NMUR2: variants seen among roughly 807,000 people sequenced by gnomAD.
The protein encoded by NMUR2 is neuromedin U receptor 2, also known as neuromedin-U receptor 2.
A neutral mutation model predicts 25.1 loss-of-function variants in NMUR2; 24 were observed. The observed-to-expected ratio is 0.96, with a 90% CI of 0.69 to 1.34. The LOEUF is 1.34. Ranked by LOEUF, NMUR2 falls within the 40% of genes most tolerant of loss-of-function variation. The probability of loss-of-function intolerance (pLI) is 0.00; values close to 1 mark genes in which losing one functional copy is unlikely to be tolerated. For missense variants in NMUR2, 533 were observed against 512.8 expected, an observed-to-expected ratio of 1.04 and a Z score of -0.38; for synonymous variants, 218 against 208.1, an observed-to-expected ratio of 1.05 and a Z score of -0.41.
At chr5:152,402,842 AG>A (rs1167518817) in intron 1 of NMUR2, among the ~76,000 whole-genome samples, 1 of 152,168 alleles carries the variant, frequency 6.6e-6, no homozygotes, top group African/African-American at 2.4e-5. Flanking sequence ...GCCCTCCAGG[AG>A]GGGACTGGCA....
Position 152,405,038 on chromosome 5 carries a change from G to C in NMUR2, c.76C>G (p.Leu26Val), listed in dbSNP as rs1250661289. Residue 26 changes from leucine (L) to valine (V), a missense_variant, in exon 1 of 4, where the codon CTG (leucine) becomes GTG (valine). By Grantham distance (32) the Leu-to-Val change is conservative. Transcript: ENST00000255262. ...GCCAGATACTCCTCGGTGCTGTTCA[G>C]GTGTTTCTGGAATGGATCTTCTAGT... ...QKLEDPFQKH[L>V]NSTEEYLAFL... 5 of 1,614,024 alleles carry C rather than the reference G, an allele frequency of 3.1e-6. No homozygotes were observed. In the East Asian group the frequency reaches 6.7e-5, roughly 22 times the overall value.
intron 3 of NMUR2, among the ~76,000 whole-genome samples, chr5:152,394,491 G>A (rs367745022): frequency 6.6e-6 from 1 of 152,192 alleles, no homozygotes; most frequent in African/African-American, 2.4e-5. Flanking sequence ...CCGGTGACCA[G>A]GAGAGGTGGG....
At chr5:152,392,582 AAGGCCT>A in intron 3 of NMUR2, 81 bp from the exon 4 acceptor site, 1 of 1,103,028 alleles carries the variant, frequency 9.1e-7, no homozygotes, top group South Asian at 1.5e-5. Flanking sequence ...AATATTTACA[AAGGCCT>A]AGAATCCCTG....
rs750716485 is a variant in NMUR2, at chr5:152,404,850, C to A, written c.264G>T (p.Ala88=). 6.2e-7 allele frequency: 1 copy of A among 1,614,016 alleles called. No homozygotes were observed. Among genetic ancestry groups the A allele is most frequent in the Non-Finnish European group, 8.5e-7 (1 of 1,180,004 alleles). ...TPTNYYLFSL[A]VSDLLVLLLG... Reference sequence around the variant, plus strand: ...GGAGCAGGACCAGGAGGTCAGAGACCGCCAGGCTGAAGAGGTAGTAGTTGG... The same window carrying A: ...GGAGCAGGACCAGGAGGTCAGAGACAGCCAGGCTGAAGAGGTAGTAGTTGG... The change falls in exon 1 of 4, where the codon GCG becomes GCT. Residue 88 remains alanine, a synonymous_variant. Coordinates refer to ENST00000255262, the MANE Select transcript of NMUR2 (RefSeq NM_020167.5).
At chr5:152,401,128 C>T (rs1032525478) in intron 1 of NMUR2, among the ~76,000 whole-genome samples, 1 of 152,114 alleles carries the variant, frequency 6.6e-6, no homozygotes, top group Admixed American at 6.6e-5. Flanking sequence ...GCTGCTTTAT[C>T]GTTGAATAAT....
intron 1 of NMUR2, among the ~76,000 whole-genome samples, chr5:152,402,760 G>A (rs1753279776): frequency 6.6e-6 from 1 of 152,210 alleles, no homozygotes. Context: ...GCAGTGAGAT[G>A]TGCAGGACGT....
Position 152,392,102 on chromosome 5 carries a change from C to G in NMUR2, c.*89G>C. 8.9e-7 allele frequency: 1 copy of G among 1,125,192 alleles called. No homozygotes were observed. The highest frequency in any genetic ancestry group is 1.3e-6 in the Non-Finnish European group (1 of 778,730). 69.7% of individuals were successfully genotyped at this position (1,125,192 alleles called of 1,614,324 possible). ...TACATGAGTTGTAAGAGCCATTCTA[C>G]CTCTCTAATATCATATGAGAAGGCA... is the stretch of plus-strand genomic sequence containing the variant. On this transcript the variant is annotated 3_prime_UTR_variant, in exon 4 of 4. Transcript: ENST00000255262.
intron 3 of NMUR2, among the ~76,000 whole-genome samples, chr5:152,394,345 T>C (rs1280880550): frequency 6.6e-6 from 1 of 152,110 alleles, no homozygotes; most frequent in East Asian, 1.9e-4. Flanking sequence ...TGACAGAAAA[T>C]ACATAGTATA....
chr5:152,395,413 T>C, intron 3 of NMUR2, 46 bp downstream of exon 3: 1 of 1,610,730 alleles, frequency 6.2e-7, no homozygotes, highest in Middle Eastern at 1.7e-4. Context: ...AAGAAGGTGC[T>C]GTTACCTGAA....
At chr5:152,400,931 AG>A (rs991864580) in intron 1 of NMUR2, among the ~76,000 whole-genome samples, 1 of 152,250 alleles carries the variant, frequency 6.6e-6, no homozygotes, top group African/African-American at 2.4e-5. Context: ...TACACTAAAA[AG>A]AAAATCATGT....
rs545851686 is a variant in NMUR2 at position 152,395,363 on chromosome 5, G to A, written c.937+96C>T. On this transcript the variant is annotated intron_variant, in intron 3 of 3. Coordinates refer to ENST00000255262, the MANE Select transcript of NMUR2 (RefSeq NM_020167.5). ...CTTCATTATAGCATGGCAGATCCCC[G>A]TGATAAATTGGAGTACTTAGGCATC... 89 of 1,361,842 alleles carry A rather than the reference G, an allele frequency of 6.5e-5. No homozygotes were observed. The African/African-American group carries it at 6.6e-4, about 10-fold the overall frequency. The allele number at this position is 1,361,842 out of a possible 1,614,324, so 84.4% of individuals were successfully genotyped here.
Position 152,404,791 on chromosome 5 carries a change from C to A in NMUR2, c.323G>T (p.Arg108Leu). The A allele has an allele frequency of 1.2e-6, 2 of 1,614,034 alleles. No homozygotes were observed. Among genetic ancestry groups the A allele is most frequent in the South Asian group, 1.1e-5 (1 of 91,072 alleles). Reference protein sequence around the residue: ...GMPLEVYEMWRNYPFLFGPVG... With the variant: ...GMPLEVYEMWLNYPFLFGPVG... ...GGGCCCGAACAAGAAAGGGTAGTTG[C>A]GCCACATCTCATAGACCTCCAGGGG... The change falls in exon 1 of 4, where the codon CGC (arginine) becomes CTC (leucine). Residue 108 changes from arginine to leucine, a missense_variant. By Grantham distance (102) the Arg-to-Leu change is moderately radical. Transcript: ENST00000255262.
At position 152,392,458 on chromosome 5, in the gene NMUR2, A is replaced by G; in HGVS notation, c.981T>C (p.Tyr327=). The G allele has an allele frequency of 6.2e-7, 1 of 1,613,988 alleles. No homozygotes were observed. The highest frequency in any genetic ancestry group is 8.5e-7 in the Non-Finnish European group (1 of 1,179,898). The part of the protein sequence containing the change: ...YLSSAVNPII[Y]NLLSRRFQAA... Reference sequence around the variant, plus strand: ...CCTGGAAGCGGCGAGACAGTAGGTTATAGATAATGGGGTTGACAGCTGAGC... The same window carrying G: ...CCTGGAAGCGGCGAGACAGTAGGTTGTAGATAATGGGGTTGACAGCTGAGC... The change falls in exon 4 of 4, where the codon TAT becomes TAC. Residue 327 remains tyrosine, a synonymous_variant. Transcript: ENST00000255262.
Position 152,404,973 on chromosome 5 carries a change from G to T in NMUR2, c.141C>A (p.Pro47=). The T allele has an allele frequency of 1.2e-6, 2 of 1,613,964 alleles. No individual in the cohort carries two copies. Among genetic ancestry groups the T allele is most frequent in the Non-Finnish European group, 8.5e-7 (1 of 1,179,982 alleles). The change falls in exon 1 of 4, where the codon CCC becomes CCA. Residue 47 remains proline (P), a synonymous_variant. Coordinates refer to ENST00000255262, the MANE Select transcript of NMUR2 (RefSeq NM_020167.5). The stretch of plus-strand genomic sequence containing the variant: ...AAATTGGCACATACACCACAGACAC[G>T]GGGAGGAAGAAGTGGCTGCGCCGAG... ...CGPRRSHFFL[P]VSVVYVPIFV...
At chr5:152,395,744 A>T (rs945550989) in intron 2 of NMUR2, among the ~76,000 whole-genome samples, 160 bp from the exon 3 acceptor site, 2 of 150,750 alleles carry the variant, frequency 1.3e-5, no homozygotes, top group African/African-American at 2.4e-5. Flanking sequence ...GAGTCTCAGT[A>T]CAAAACACTT....
chr5:152,395,625 T>C, intron 2 of NMUR2, 41 bp from the exon 3 acceptor site: 1 of 1,607,740 alleles, frequency 6.2e-7, no homozygotes, highest in Non-Finnish European at 8.5e-7. Flanking sequence ...AGACAGTCTG[T>C]GCAAGGATAG....
At chr5:152,392,585 G>A (rs1004929297) in intron 3 of NMUR2, 84 bp from the exon 4 acceptor site, 123 of 1,074,336 alleles carry the variant, frequency 1.1e-4, no homozygotes, top group Non-Finnish European at 1.5e-4. Flanking sequence ...ATTTACAAAG[G>A]CCTAGAATCC....
At position 152,398,042 on chromosome 5, in the gene NMUR2, A is replaced by G; in HGVS notation, c.811+18T>C. Reference sequence around the variant, plus strand: ...TCTTATGAACAAAACAAAACAAAAAACAAAATGGGGCACTTACACAGCATC... The same window carrying G: ...TCTTATGAACAAAACAAAACAAAAAGCAAAATGGGGCACTTACACAGCATC... On this transcript the variant is annotated intron_variant, in intron 2 of 3. Coordinates refer to ENST00000255262, the MANE Select transcript of NMUR2 (RefSeq NM_020167.5). 6.3e-7 allele frequency: 1 copy of G among 1,599,762 alleles called. No individual in the cohort carries two copies. Among genetic ancestry groups the G allele is most frequent in the South Asian group, 1.1e-5 (1 of 90,170 alleles).
At chr5:152,398,534 C>T in intron 1 of NMUR2, among the ~76,000 whole-genome samples, 1 of 152,098 alleles carries the variant, frequency 6.6e-6, no homozygotes, top group Non-Finnish European at 1.5e-5. Flanking sequence ...TCCTTCTGCT[C>T]TGTGGTGGAT....
Sources: gnomAD v4.1 joint callset for allele counts (sites outside exome capture counted in the v4.1 genomes callset) on GRCh38, gnomAD v4.1.1 for gene constraint, MANE v1.5 for transcripts, NCBI Gene and HGNC (gene_info 2026-07-23, HGNC 2026-07-21) for gene names.